KANSL1: variants seen among roughly 807,000 people sequenced by gnomAD.
The protein encoded by KANSL1 is MLL1/MLL complex subunit KANSL1.
Under a neutral mutation model 103.6 loss-of-function variants are expected in KANSL1, and 22 were observed. The ratio of observed to expected loss-of-function variants is 0.21; its 90% CI spans 0.15 to 0.30. The LOEUF (loss-of-function observed/expected upper bound fraction) is 0.30, where lower values mean the gene tolerates loss of function less well. Ranked by LOEUF, KANSL1 falls within the 10% of genes least tolerant of loss-of-function variation. The probability of loss-of-function intolerance (pLI) is 1.00; values close to 1 mark genes in which losing one functional copy is unlikely to be tolerated. For missense variants in KANSL1, 1,337 were observed against 1,399.8 expected (o/e 0.96, Z 0.72); for synonymous variants, 600 against 527.6 (o/e 1.14, Z -1.88).
chr17:46,035,636 G>A (rs1162206156), intron 10 of KANSL1: 2 of 152,156 alleles, frequency 1.3e-5, no homozygotes, highest in Non-Finnish European at 2.9e-5. Context: ...CATACCCAGA[G>A]ACCTCTGCCA....
rs143947558 is a variant in KANSL1, at chr17:46,137,727, C to T, written c.1289+33128G>A. On this transcript the variant is annotated intron_variant, in intron 2 of 14. Transcript: ENST00000432791. ...AAAAAAATACAAAAAATTGGCCAGG[C>T]GTGGTGGCGGGCGCCTGTAGTCCCA... Among the ~76,000 whole-genome samples, 724 of 152,002 alleles carry T rather than the reference C, an allele frequency of 4.8e-3. 2 individuals carry two copies. The highest frequency in any genetic ancestry group is 7.3e-3 in the Non-Finnish European group (493 of 67,986).
intron 2 of KANSL1, among the ~76,000 whole-genome samples, chr17:46,144,919 T>C (rs958394475): frequency 6.6e-6 from 1 of 152,184 alleles, no homozygotes; most frequent in African/African-American, 2.4e-5. Context: ...TGCCACACAA[T>C]AGATTATAAA....
At chr17:46,048,520 T>C (rs895771948) in intron 7 of KANSL1, among the ~76,000 whole-genome samples, 1 of 152,072 alleles carries the variant, frequency 6.6e-6, no homozygotes, top group Non-Finnish European at 1.5e-5. Context: ...TGAGCCAACA[T>C]CACACCACTG....
At chr17:46,201,970 G>A (rs2047819594) in intron 1 of KANSL1, among the ~76,000 whole-genome samples, 1 of 152,162 alleles carries the variant, frequency 6.6e-6, no homozygotes, top group Admixed American at 6.5e-5. Context: ...TGGCGCTACT[G>A]CACTCCAACC....
At chr17:46,194,698 G>GGTAT (rs2047546326), upstream of KANSL1, among the ~76,000 whole-genome samples, 1 of 152,132 alleles carries the variant, frequency 6.6e-6, no homozygotes, top group Non-Finnish European at 1.5e-5. Flanking sequence ...AGATAAGAAG[G>GGTAT]GTATGTATGC....
intron 2 of KANSL1, among the ~76,000 whole-genome samples, chr17:46,137,291 A>T (rs1221342108): frequency 6.6e-6 from 1 of 152,226 alleles, no homozygotes; most frequent in Non-Finnish European, 1.5e-5. Context: ...GCATTTTCTT[A>T]AATATTTCCA....
At position 46,077,859 on chromosome 17, in the gene KANSL1, A is replaced by G. The variant is rs112022066; in HGVS notation, c.1533+4582T>C. On this transcript the variant is annotated intron_variant, in intron 4 of 14. Transcript: ENST00000432791. ...AGGCATGAGCCACCGTGCTCGGCCT[A>G]AAGTTTCATACATTTGTAAACTGAC... 1.8e-3 allele frequency among the ~76,000 whole-genome samples: 280 copies of G among 152,222 alleles called. 1 individual carries two copies. Among genetic ancestry groups the G allele is most frequent in the African/African-American group, 6.3e-3 (262 of 41,534 alleles).
At chr17:46,120,467 A>C (rs1273367243) in intron 2 of KANSL1, among the ~76,000 whole-genome samples, 1 of 152,220 alleles carries the variant, frequency 6.6e-6, no homozygotes, top group Non-Finnish European at 1.5e-5. Context: ...AAGGAGGTCT[A>C]CTGTGGATAT....
chr17:46,179,068 G>C (rs974911986), intron 1 of KANSL1, among the ~76,000 whole-genome samples: 2 of 152,148 alleles, frequency 1.3e-5, no homozygotes, highest in Non-Finnish European at 1.5e-5. Context: ...CCTGGCAGTA[G>C]CATGTTTAGC....
intron 2 of KANSL1, among the ~76,000 whole-genome samples, chr17:46,130,837 A>G (rs1329642279): frequency 1.3e-5 from 2 of 152,190 alleles, no homozygotes; most frequent in Non-Finnish European, 2.9e-5. Context: ...CTAACTTTGA[A>G]CACATCTGTG....
At chr17:46,100,783 G>C (rs2042279662) in intron 2 of KANSL1, among the ~76,000 whole-genome samples, 1 of 152,210 alleles carries the variant, frequency 6.6e-6, no homozygotes, top group Non-Finnish European at 1.5e-5. Flanking sequence ...AGGGCTGGTG[G>C]ATTATGCTTC....
chr17:46,135,606 A>G (rs2044097369), intron 2 of KANSL1, among the ~76,000 whole-genome samples: 1 of 144,938 alleles, frequency 6.9e-6, no homozygotes, highest in Non-Finnish European at 1.5e-5. Context: ...GTACGGAGCC[A>G]TAATCATGGC....
At chr17:46,187,464 A>G (rs2047086072) in intron 1 of KANSL1, among the ~76,000 whole-genome samples, 1 of 152,222 alleles carries the variant, frequency 6.6e-6, no homozygotes, top group Admixed American at 6.5e-5. Context: ...AGTTTTTAAA[A>G]TAACATTTAG....
intron 2 of KANSL1, among the ~76,000 whole-genome samples, chr17:46,127,243 T>C (rs2043614776): frequency 1.3e-5 from 2 of 152,264 alleles, no homozygotes; most frequent in Admixed American, 6.5e-5. Context: ...TTGAATTCTG[T>C]GTTCTCTTCA....
At chr17:46,154,816 T>C (rs1256298657) in intron 2 of KANSL1, among the ~76,000 whole-genome samples, 2 of 152,220 alleles carry the variant, frequency 1.3e-5, no homozygotes, top group Non-Finnish European at 2.9e-5. Flanking sequence ...GTTTATATGA[T>C]GCCATCTCCA....
intron 2 of KANSL1, among the ~76,000 whole-genome samples, chr17:46,144,286 T>A (rs2044581755): frequency 6.6e-6 from 1 of 152,226 alleles, no homozygotes; most frequent in African/African-American, 2.4e-5. Flanking sequence ...TCAAAAAATG[T>A]TTGTTGAATG....
At chr17:46,125,085 A>AGG (rs2043484434) in intron 2 of KANSL1, among the ~76,000 whole-genome samples, 1 of 33,948 alleles carries the variant, frequency 2.9e-5, no homozygotes. Flanking sequence ...AGGGAGGGAG[A>AGG]GAGGGAGGGA....
chr17:46,219,423 C>T (rs111303008), intron 1 of KANSL1, among the ~76,000 whole-genome samples: 8,075 of 133,112 alleles, frequency 0.061, no homozygotes, highest in Middle Eastern at 0.11. Flanking sequence ...ACTGCAGGGG[C>T]GCAATCACAG....
chr17:46,140,129 T>G (rs1431710961), intron 2 of KANSL1, among the ~76,000 whole-genome samples: 1 of 152,130 alleles, frequency 6.6e-6, no homozygotes, highest in Non-Finnish European at 1.5e-5. Context: ...CATATACACA[T>G]ACACATACAT....
Sources: gnomAD v4.1 joint callset for allele counts (sites outside exome capture counted in the v4.1 genomes callset) on GRCh38, gnomAD v4.1.1 for gene constraint, MANE v1.5 for transcripts, NCBI Gene and HGNC (gene_info 2026-07-23, HGNC 2026-07-21) for gene names.